Variants in CDK15 observed in about 807,000 individuals in gnomAD.
The protein encoded by CDK15 is cyclin dependent kinase 15.
CDK15 carries 62 observed loss-of-function variants against 60.3 expected under a neutral mutation model. The ratio of observed to expected loss-of-function variants is 1.03; its 90% CI spans 0.84 to 1.27. The LOEUF (loss-of-function observed/expected upper bound fraction) is 1.27, where lower values mean the gene tolerates loss of function less well. Ranked by LOEUF, CDK15 falls within the 50% of genes most tolerant of loss-of-function variation. CDK15 has a pLI of 0.00. For missense variants in CDK15, 541 were observed against 527.8 expected (o/e 1.03, Z -0.25); for synonymous variants, 194 against 195.7 (o/e 0.99, Z 0.07).
At chr2:201,834,086 C>A in intron 7 of CDK15, 115 bp downstream of exon 7, 2 of 1,248,942 alleles carry the variant, frequency 1.6e-6, no homozygotes, top group South Asian at 1.9e-5. Context: ...GAACATGATG[C>A]TTTGTGAGGA....
chr2:201,823,543 C>A, intron 5 of CDK15, 122 bp from the exon 6 acceptor site: 1 of 881,318 alleles, frequency 1.1e-6, no homozygotes, highest in Non-Finnish European at 1.9e-6. Context: ...TCCTTTTGCA[C>A]CTTATTCTTA....
At chr2:201,818,964 A>AAAAAC (rs145923828) in intron 4 of CDK15, among the ~76,000 whole-genome samples, 26 of 151,716 alleles carry the variant, frequency 1.7e-4, no homozygotes, top group Non-Finnish European at 3.2e-4. Context: ...AATAAGCAAA[A>AAAAAC]AAAACAAAAC....
At chr2:201,864,380 C>T (rs915543922) in intron 10 of CDK15, among the ~76,000 whole-genome samples, 1 of 152,144 alleles carries the variant, frequency 6.6e-6, no homozygotes, top group Non-Finnish European at 1.5e-5. Flanking sequence ...TACAGTGGCG[C>T]GATCTTGGCT....
intron 4 of CDK15, among the ~76,000 whole-genome samples, chr2:201,821,964 C>T (rs553244292): frequency 1.3e-5 from 2 of 152,200 alleles, no homozygotes; most frequent in African/African-American, 2.4e-5. Flanking sequence ...CACAAGCATG[C>T]GCTACCACGC....
intron 8 of CDK15, among the ~76,000 whole-genome samples, chr2:201,844,261 CA>C (rs1459223721): frequency 1.3e-5 from 2 of 152,254 alleles, no homozygotes; most frequent in South Asian, 4.1e-4. Context: ...TACTCCAAAA[CA>C]AAATGGTCTG....
At chr2:201,851,823 C>A (rs1251271586) in intron 9 of CDK15, among the ~76,000 whole-genome samples, 1 of 152,072 alleles carries the variant, frequency 6.6e-6, no homozygotes, top group Non-Finnish European at 1.5e-5. Flanking sequence ...CCACACCCAG[C>A]TAATTTTGTA....
chr2:201,831,258 G>A (rs892688241), intron 6 of CDK15, among the ~76,000 whole-genome samples: 1 of 152,184 alleles, frequency 6.6e-6, no homozygotes, highest in Admixed American at 6.5e-5. Flanking sequence ...TTCCCTATAA[G>A]GAGTTGGCTA....
At position 201,833,979 on chromosome 2, in the gene CDK15, GC is replaced by G. The variant is rs1559124458; in HGVS notation, c.730+12del. ...TCAAACTGGCTGATTTTGGTAAGTC[GC>G]CCCTCGGGTCTCATTCTGGGCTGTG... On this transcript the variant is annotated intron_variant, in intron 7 of 13. Coordinates refer to ENST00000652192, the MANE Select transcript of CDK15 (RefSeq NM_001366386.2). 4 of 1,612,140 alleles carry G rather than the reference GC, an allele frequency of 2.5e-6. No individual in the cohort carries two copies. The Admixed American group carries it at 6.7e-5, about 27-fold the overall frequency.
intron 10 of CDK15, among the ~76,000 whole-genome samples, chr2:201,859,714 G>T (rs1698305665): frequency 6.6e-6 from 1 of 152,180 alleles, no homozygotes; most frequent in Admixed American, 6.5e-5. Context: ...CTAAGCATCT[G>T]AAGGGTATTA....
At chr2:201,848,257 T>A (rs1697756412) in intron 9 of CDK15, among the ~76,000 whole-genome samples, 1 of 152,236 alleles carries the variant, frequency 6.6e-6, no homozygotes, top group South Asian at 2.1e-4. Flanking sequence ...GCTCCATTTC[T>A]TAATTCATTA....
chr2:201,855,013 T>A, intron 10 of CDK15, 76 bp downstream of exon 10: 1 of 1,373,008 alleles, frequency 7.3e-7, no homozygotes, highest in South Asian at 1.2e-5. Context: ...TAACAGGGCG[T>A]TCTTGTATTG....
At chr2:201,821,298 A>G (rs1696208827) in intron 4 of CDK15, among the ~76,000 whole-genome samples, 1 of 151,976 alleles carries the variant, frequency 6.6e-6, no homozygotes, top group Non-Finnish European at 1.5e-5. Flanking sequence ...CCTGGGTCAT[A>G]TGCCCATTCT....
At position 201,843,256 on chromosome 2, in the gene CDK15, G is replaced by A. The variant is rs541397925; in HGVS notation, c.852-4125G>A. Among the ~76,000 whole-genome samples the A allele has an allele frequency of 6.6e-5, 10 of 151,950 alleles. No homozygotes were observed. The East Asian group carries it at 1.7e-3, about 26-fold the overall frequency. ...GGCTGGAGTGCAGTGGTGCGATGTC[G>A]GCTCACTGCAACCTCCAACTCCCCG... On this transcript the variant is annotated intron_variant, in intron 8 of 13. Transcript: ENST00000652192.
chr2:201,840,988 T>A (rs943222508), intron 8 of CDK15, among the ~76,000 whole-genome samples: 1 of 152,216 alleles, frequency 6.6e-6, no homozygotes, highest in African/African-American at 2.4e-5. Flanking sequence ...AGAGCTCCAA[T>A]GAAAGACTAT....
At chr2:201,833,716 C>CTTT (rs768867701) in intron 6 of CDK15, 132 bp from the exon 7 acceptor site, 16 of 170,988 alleles carry the variant, frequency 9.4e-5, no homozygotes, top group African/African-American at 3.0e-4. Context: ...TCTTCTTCTT[C>CTTT]TTTTTTTTTT....
chr2:201,861,417 A>G, intron 10 of CDK15: 1 of 985,484 alleles, frequency 1.0e-6, no homozygotes, highest in Non-Finnish European at 1.2e-6. Flanking sequence ...CCTTTCATTA[A>G]TCATGTTGTA....
At chr2:201,808,924 A>T (rs975456577) in intron 3 of CDK15, 1 of 149,762 alleles carries the variant, frequency 6.7e-6, no homozygotes, top group South Asian at 2.1e-4. Flanking sequence ...TATTATTTAT[A>T]TATTTATTTA....
intron 11 of CDK15, among the ~76,000 whole-genome samples, chr2:201,873,881 C>T (rs1574929961): frequency 6.6e-6 from 1 of 152,118 alleles, no homozygotes. Context: ...GGCAAAACCC[C>T]GTCTCTACTA....
intron 10 of CDK15, chr2:201,861,565 C>CTTTTTTTTTTTTTTTTT (rs869051401): frequency 2.0e-6 from 1 of 504,544 alleles, no homozygotes; most frequent in African/African-American, 2.9e-5. Context: ...TTTTTTTTTT[C>CTTTTTTTTTTTTTTTTT]TTTTTTTTTT....
Sources: gnomAD v4.1 joint callset for allele counts (sites outside exome capture counted in the v4.1 genomes callset) on GRCh38, gnomAD v4.1.1 for gene constraint, MANE v1.5 for transcripts, NCBI Gene and HGNC (gene_info 2026-07-23, HGNC 2026-07-21) for gene names.